The following LYST variants were observed in gnomAD, a reference collection of about 807,000 sequenced individuals.
The protein encoded by LYST is lysosomal-trafficking regulator.
In LYST, 192 loss-of-function variants were observed where a neutral mutation model predicts 413.6. The observed-to-expected ratio is 0.46, with a 90% CI of 0.41 to 0.52. The LOEUF (loss-of-function observed/expected upper bound fraction) is 0.52. Ranked by LOEUF, LYST falls within the 20% of genes least tolerant of loss-of-function variation. The pLI is 0.00. For synonymous variants in LYST, 1,525 were observed against 1,567.3 expected (o/e 0.97, Z 0.64); for missense variants, 3,815 against 4,499.9 (o/e 0.85, Z 4.35).
At chr1:235,714,334 AAGAG>A (rs1491518281) in intron 42 of LYST, among the ~76,000 whole-genome samples, 1 of 152,022 alleles carries the variant, frequency 6.6e-6, no homozygotes, top group African/African-American at 2.4e-5. Flanking sequence ...GGGGAAAAAC[AAGAG>A]AGAGAGAGAA....
Position 235,720,851 on chromosome 1 carries a change from C to T in LYST, c.9370G>A (p.Glu3124Lys). ...ILTNNLPNLLEYGNITALTNL... is the reference protein window; with the variant it reads ...ILTNNLPNLLKYGNITALTNL... The stretch of plus-strand genomic sequence containing the variant: ...GTCAGAGCGGTGATGTTACCATATT[C>T]CAGAAGATTAGGGAGGTTATTTGTG... The change falls in exon 40 of 53, where the codon GAA (glutamate) becomes AAA (lysine). Residue 3124 changes from glutamate (E) to lysine (K), a missense_variant. Glu to Lys is a moderately conservative substitution (Grantham distance 56). This residue lies in a region of LYST where 866 missense variants were observed against 1,156.0 expected (regional missense o/e 0.75). Transcript: ENST00000389793. 1 of 1,613,430 alleles carries T rather than the reference C, an allele frequency of 6.2e-7. No homozygotes were observed. Among genetic ancestry groups the T allele is most frequent in the Non-Finnish European group, 8.5e-7 (1 of 1,179,476 alleles).
At chr1:235,743,625 A>C (rs568944018) in intron 30 of LYST, among the ~76,000 whole-genome samples, 1 of 152,290 alleles carries the variant, frequency 6.6e-6, no homozygotes, top group East Asian at 1.9e-4. Flanking sequence ...GAAAAATGAG[A>C]GTAAGTAGCC....
chr1:235,809,892 C>T lies in LYST; in HGVS notation c.926G>A (p.Arg309Gln), dbSNP rs375332299. ...TTCGGTCCAACCTGCAGAAACTACTCGACTCTCCAAGTTGTCGCTCAGACT... is the reference window on the plus strand; with the variant it reads ...TTCGGTCCAACCTGCAGAAACTACTTGACTCTCCAAGTTGTCGCTCAGACT... ...CCSLSDNLES[R>Q]VVSAGWTEEP... The change falls in exon 5 of 53, where the codon CGA (arginine) becomes CAA (glutamine). Residue 309 changes from arginine (R) to glutamine (Q), a missense_variant. Physicochemically the swap from Arg to Gln is conservative, Grantham distance 43 (BLOSUM62 1). Coordinates refer to ENST00000389793, the MANE Select transcript of LYST (RefSeq NM_000081.4). This position sits in a 1 kb window ranked among gnomAD's most constrained non-coding sequence, Gnocchi z 4.0. 23 of 1,613,846 alleles carry T rather than the reference C, an allele frequency of 1.4e-5. No individual in the cohort carries two copies. The highest frequency in any genetic ancestry group is 3.3e-4 in the Middle Eastern group (2 of 6,084).
chr1:235,731,671 G>T (rs1409814413), intron 34 of LYST, among the ~76,000 whole-genome samples: 1 of 149,488 alleles, frequency 6.7e-6, no homozygotes, highest in Admixed American at 6.8e-5. Context: ...CGATTCTCCT[G>T]CCTCAGCCTC....
chr1:235,803,046 C>A lies in LYST; in HGVS notation c.3574G>T (p.Glu1192Ter). Reference sequence around the variant, plus strand: ...AAATCACCAGGCTGGGATGACAATTCTTCTGCAGATTGATGACTCTATAAA... The same window carrying A: ...AAATCACCAGGCTGGGATGACAATTATTCTGCAGATTGATGACTCTATAAA... ...MTEKSHQSAE[E>*]LSSQPGDFSE... is the part of the protein sequence containing the mutation. Residue 1192 changes from glutamate (E) to a stop codon, truncating the protein, a stop_gained, in exon 8 of 53, where the codon GAA becomes TAA. Coordinates refer to ENST00000389793, the MANE Select transcript of LYST (RefSeq NM_000081.4). LOFTEE classifies it high-confidence loss of function. 2 of 1,612,898 alleles carry A rather than the reference C, an allele frequency of 1.2e-6. No individual in the cohort carries two copies. The highest frequency in any genetic ancestry group is 1.7e-6 in the Non-Finnish European group (2 of 1,179,610).
At chr1:235,777,483 A>G (rs1228101424) in intron 16 of LYST, among the ~76,000 whole-genome samples, 175 bp from the exon 17 acceptor site, 1 of 152,246 alleles carries the variant, frequency 6.6e-6, no homozygotes, top group East Asian at 1.9e-4. Flanking sequence ...TTTCCCACAA[A>G]GCAAATGGTC....
intron 50 of LYST, among the ~76,000 whole-genome samples, chr1:235,676,311 A>G (rs1030938731): frequency 3.9e-5 from 6 of 152,200 alleles, no homozygotes; most frequent in Non-Finnish European, 8.8e-5. Context: ...CGGGAGGCCA[A>G]TGTTTTAGAC....
chr1:235,711,643 G>T (rs1228538593), intron 43 of LYST, among the ~76,000 whole-genome samples: 1 of 152,026 alleles, frequency 6.6e-6, no homozygotes. Flanking sequence ...ATAATTCTGG[G>T]CAGAGTATTT....
At chr1:235,751,458 T>C in intron 27 of LYST, 96 bp from the exon 28 acceptor site, 1 of 1,077,162 alleles carries the variant, frequency 9.3e-7, no homozygotes, top group Non-Finnish European at 1.4e-6. Flanking sequence ...TGTTTTGATA[T>C]AAATTTTTAA....
chr1:235,882,078 T>TCA (rs71174466), intron 1 of LYST, among the ~76,000 whole-genome samples: 7,284 of 145,778 alleles, frequency 0.05, 348 homozygotes, highest in African/African-American at 0.12. Flanking sequence ...ACTCTTTCTT[T>TCA]CACACACACA....
At chr1:235,869,745 C>G (rs1478804036), upstream of LYST, among the ~76,000 whole-genome samples, 1 of 152,010 alleles carries the variant, frequency 6.6e-6, no homozygotes, top group Non-Finnish European at 1.5e-5. Context: ...ATTGGCTCTC[C>G]GCTTCTCTCA....
intron 17 of LYST, among the ~76,000 whole-genome samples, chr1:235,776,693 T>G (rs1572222877): frequency 6.6e-6 from 1 of 152,072 alleles, no homozygotes; most frequent in African/African-American, 2.4e-5. Context: ...ATTAAAGTTT[T>G]TTTTTTTTTA....
intron 1 of LYST, among the ~76,000 whole-genome samples, chr1:235,862,811 ACACAC>A (rs1680048923): frequency 1.3e-5 from 1 of 79,576 alleles, no homozygotes; most frequent in African/African-American, 6.4e-5. Context: ...AAACAAACAC[ACACAC>A]ACACACACAC....
chr1:235,829,196 CTG>C (rs1286540120), intron 3 of LYST, among the ~76,000 whole-genome samples: 27 of 152,122 alleles, frequency 1.8e-4, no homozygotes, highest in African/African-American at 6.3e-4. Flanking sequence ...GAGCGAGACT[CTG>C]TGTCTCAAAA....
At chr1:235,721,010 C>A (rs1180051181) in intron 39 of LYST, 105 bp from the exon 40 acceptor site, 64 of 1,192,622 alleles carry the variant, frequency 5.4e-5, no homozygotes, top group Non-Finnish European at 7.0e-5. Flanking sequence ...AATCTCATGT[C>A]CTCCAAAAAA....
chr1:235,805,308 TC>T (rs1335456991), intron 6 of LYST, among the ~76,000 whole-genome samples: 1 of 152,152 alleles, frequency 6.6e-6, no homozygotes, highest in Non-Finnish European at 1.5e-5. Flanking sequence ...ACAATGATTG[TC>T]CCCACTTCTT....
At chr1:235,843,331 A>T (rs1285048511) in intron 1 of LYST, among the ~76,000 whole-genome samples, 3 of 152,162 alleles carry the variant, frequency 2.0e-5, no homozygotes, top group Non-Finnish European at 4.4e-5. Flanking sequence ...ATCTGTTCTG[A>T]ATAGTGGGAT....
chr1:235,713,645 T>G (rs1001451189), intron 42 of LYST, among the ~76,000 whole-genome samples: 1 of 152,094 alleles, frequency 6.6e-6, no homozygotes, highest in Non-Finnish European at 1.5e-5. Flanking sequence ...CTGGCACTAG[T>G]AGGGAGAGAA....
chr1:235,798,002 G>A (rs1671745110), intron 10 of LYST, among the ~76,000 whole-genome samples: 1 of 152,116 alleles, frequency 6.6e-6, no homozygotes, highest in African/African-American at 2.4e-5. Context: ...TATACGAATG[G>A]CCAATAAGTA....
Sources: allele counts gnomAD v4.1 joint callset (sites outside exome capture counted in the v4.1 genomes callset), GRCh38; gene constraint gnomAD v4.1.1; regional missense constraint gnomAD v4.1.1; non-coding constraint Gnocchi (gnomAD v3.1); transcripts MANE v1.5; gene names NCBI Gene and HGNC (gene_info 2026-07-23, HGNC 2026-07-21).